The following BMP1 variants were observed in gnomAD, a reference collection of about 807,000 sequenced individuals.
BMP1 encodes the protein bone morphogenetic protein 1.
Under a neutral mutation model 116.8 loss-of-function variants are expected in BMP1, and 63 were observed. That is an observed-to-expected ratio of 0.54 (90% CI 0.44 to 0.67). The LOEUF (loss-of-function observed/expected upper bound fraction) is 0.67. Among genes scored for constraint, BMP1 ranks in the 30% least tolerant of loss-of-function variants. The pLI, the probability that BMP1 is intolerant of heterozygous loss-of-function variation, is 0.00. For synonymous variants in BMP1, 536 were observed against 533.4 expected (o/e 1.00, Z -0.07); for missense variants, 1,183 against 1,358.9 (o/e 0.87, Z 2.04).
chr8:22,168,897 G>T (rs1001217804), intron 1 of BMP1, among the ~76,000 whole-genome samples: 1 of 152,198 alleles, frequency 6.6e-6, no homozygotes, highest in Non-Finnish European at 1.5e-5. Context: ...TAGGCAGGGG[G>T]CAGTGGCTCA....
chr8:22,196,825 G>A lies in BMP1; in HGVS notation c.1911G>A (p.Glu637=), dbSNP rs1829107266. ...YRISLQFDFF[E]TEGNDVCKYD... is the part of the protein sequence containing the mutation. The stretch of plus-strand genomic sequence containing the variant: ...TCTCCCTGCAGTTTGACTTCTTTGA[G>A]ACAGAGGGCAATGATGTAAGTGCCC... The change falls in exon 14 of 20, where the codon GAG becomes GAA. Residue 637 remains glutamate (E), a synonymous_variant. Coordinates refer to ENST00000306385, the MANE Select transcript of BMP1 (RefSeq NM_006129.5). 1 of 1,613,660 alleles carries A rather than the reference G, an allele frequency of 6.2e-7. No homozygotes were observed. Among genetic ancestry groups the A allele is most frequent in the African/African-American group, 1.3e-5 (1 of 74,924 alleles).
intron 18 of BMP1, 48 bp from the exon 19 acceptor site, chr8:22,209,397 T>C: frequency 6.3e-7 from 1 of 1,598,944 alleles, no homozygotes; most frequent in Non-Finnish European, 8.5e-7. Context: ...CCATGGGGCC[T>C]GGCACCTGCG....
chr8:22,202,127 A>G (rs1364984946), intron 16 of BMP1, among the ~76,000 whole-genome samples, 199 bp downstream of exon 16: 4 of 152,164 alleles, frequency 2.6e-5, no homozygotes, highest in Non-Finnish European at 5.9e-5. Flanking sequence ...TGTTGCCCAC[A>G]TTAGGAGAGG....
intron 2 of BMP1, among the ~76,000 whole-genome samples, chr8:22,175,844 C>G (rs1828414474): frequency 6.6e-6 from 1 of 152,162 alleles, no homozygotes; most frequent in Admixed American, 6.5e-5. Flanking sequence ...GGCACTTTAA[C>G]TAGACCTCAA....
rs755384289 is a variant in BMP1, at chr8:22,211,602, G to A, written c.2835G>A (p.Glu945=). 6.2e-7 allele frequency: 1 copy of A among 1,614,184 alleles called. No individual in the cohort carries two copies. Among genetic ancestry groups the A allele is most frequent in the African/African-American group, 1.3e-5 (1 of 75,048 alleles). ...TCTCTTTTCTCTGCCAGCCTCCTGA[G>A]GAGGTGTACTCGGCGGGAGATTCTG... ...LGRYCGSGPP[E]EVYSAGDSVL... Residue 945 remains glutamate, a synonymous_variant, in exon 20 of 20, where the codon GAG becomes GAA. Transcript: ENST00000306385.
At chr8:22,178,791 C>T (rs925338373) in intron 6 of BMP1, among the ~76,000 whole-genome samples, 1 of 152,084 alleles carries the variant, frequency 6.6e-6, no homozygotes, top group Non-Finnish European at 1.5e-5. Flanking sequence ...GCACCTCCCT[C>T]CTCCTCAAAC....
At chr8:22,176,484 G>A in intron 3 of BMP1, 49 bp from the exon 4 acceptor site, 2 of 1,595,314 alleles carry the variant, frequency 1.3e-6, no homozygotes, top group Non-Finnish European at 1.7e-6. Context: ...TGGGTAGGGG[G>A]TGGGACTGCC....
intron 19 of BMP1, among the ~76,000 whole-genome samples, chr8:22,210,737 C>G (rs577165872): frequency 6.6e-6 from 1 of 152,168 alleles, no homozygotes; most frequent in Non-Finnish European, 1.5e-5. Context: ...CCCTGGTGTC[C>G]CCTGGCTGCC....
intron 8 of BMP1, among the ~76,000 whole-genome samples, chr8:22,185,828 CTTTTTTTTTTTTTT>C (rs71204540): frequency 1.2e-5 from 1 of 80,958 alleles, no homozygotes; most frequent in South Asian, 4.2e-4. Context: ...CACTGTCTTT[CTTTTTTTTTTTTTT>C]TTTTTTTTTT....
In BMP1 at chr8:22,174,627, C is replaced by CTTTTT. The variant is rs57781366; in HGVS notation, c.262+931_262+935dup. On this transcript the variant is annotated intron_variant, in intron 2 of 19. Coordinates refer to ENST00000306385, the MANE Select transcript of BMP1 (RefSeq NM_006129.5). ...GGGATTCTTTCTTCTTTTTTTCTGT[C>CTTTTT]TTTTTTTTTTTTTTTTTTTTTTTGA... Among the ~76,000 whole-genome samples, 60 of 106,246 alleles carry CTTTTT rather than the reference C, an allele frequency of 5.6e-4. 1 individual carries two copies. Among genetic ancestry groups the CTTTTT allele is most frequent in the African/African-American group, 1.8e-3 (48 of 26,422 alleles). The allele number at this position is 106,246 out of a possible 152,430, so 69.7% of individuals were successfully genotyped here.
chr8:22,201,771 C>G (rs1829268128), intron 15 of BMP1, 32 bp from the exon 16 acceptor site: 1 of 1,610,616 alleles, frequency 6.2e-7, no homozygotes, highest in African/African-American at 1.3e-5. Context: ...CCTGCACAGA[C>G]CCAGCGTCTG....
At chr8:22,176,803 G>A (rs1828450886) in intron 4 of BMP1, 153 bp downstream of exon 4, 1 of 1,004,242 alleles carries the variant, frequency 1.0e-6, no homozygotes, top group Middle Eastern at 2.7e-4. Context: ...CCCCTGTGCG[G>A]CTGTGACCTC....
At chr8:22,180,687 T>C (rs151117070) in intron 8 of BMP1, among the ~76,000 whole-genome samples, 65 of 152,360 alleles carry the variant, frequency 4.3e-4, no homozygotes, top group African/African-American at 1.4e-3. Context: ...CCAATAATTA[T>C]AAATTAGTGT....
intron 12 of BMP1, 68 bp from the exon 13 acceptor site, chr8:22,195,394 T>G: frequency 6.5e-7 from 1 of 1,543,078 alleles, no homozygotes; most frequent in Non-Finnish European, 8.7e-7. Context: ...AGTGGACAAG[T>G]GAGGCTCACA....
intron 15 of BMP1, among the ~76,000 whole-genome samples, chr8:22,200,237 CA>C (rs1829219562): frequency 6.6e-6 from 1 of 152,206 alleles, no homozygotes; most frequent in South Asian, 2.1e-4. Flanking sequence ...ATTGTGTGTT[CA>C]TCGTGTGAGT....
At chr8:22,189,474 TTATATAA>T (rs879693186) in intron 8 of BMP1, among the ~76,000 whole-genome samples, 2 of 145,344 alleles carry the variant, frequency 1.4e-5, no homozygotes, top group Admixed American at 1.4e-4. Flanking sequence ...ATCTTATATA[TTATATAA>T]TATATAATAT....
rs374854059 is a variant in BMP1, at chr8:22,177,922, C to T, written c.801C>T (p.Asp267=). The T allele has an allele frequency of 6.8e-5, 110 of 1,613,338 alleles. No homozygotes were observed. Among genetic ancestry groups the T allele is most frequent in the South Asian group, 1.3e-4 (12 of 91,050 alleles). ...CCCTGGGGGAGACCTATGACTTCGA[C>T]AGCATCATGCATTACGCTCGGAACA... ...VESLGETYDF[D]SIMHYARNTF... The change falls in exon 6 of 20, where the codon GAC becomes GAT. Residue 267 remains aspartate, a synonymous_variant. Transcript: ENST00000306385.
intron 8 of BMP1, among the ~76,000 whole-genome samples, 164 bp from the exon 9 acceptor site, chr8:22,191,885 T>G (rs949641070): frequency 6.6e-6 from 1 of 152,162 alleles, no homozygotes; most frequent in Non-Finnish European, 1.5e-5. Context: ...CAGACAACTG[T>G]GGAGGAGGGG....
chr8:22,203,406 A>T (rs557746460), intron 16 of BMP1, among the ~76,000 whole-genome samples: 1 of 152,204 alleles, frequency 6.6e-6, no homozygotes, highest in Non-Finnish European at 1.5e-5. Flanking sequence ...AAATACAAAA[A>T]ATTAGCCAGG....
Sources: allele counts gnomAD v4.1 joint callset (sites outside exome capture counted in the v4.1 genomes callset), GRCh38; gene constraint gnomAD v4.1.1; transcripts MANE v1.5; gene names NCBI Gene and HGNC (gene_info 2026-07-23, HGNC 2026-07-21).